PLCL1: variants seen among roughly 807,000 people sequenced by gnomAD.
PLCL1 encodes phospholipase C like 1 (inactive), also known as inactive phospholipase C-like protein 1.
In PLCL1, 41 loss-of-function variants were observed where a neutral mutation model predicts 84.4. The observed-to-expected ratio is 0.49, with a 90% CI of 0.38 to 0.63. The LOEUF is 0.63. Ranked by LOEUF, PLCL1 falls within the 30% of genes least tolerant of loss-of-function variation. The probability of loss-of-function intolerance (pLI) is 0.00; values close to 1 mark genes in which losing one functional copy is unlikely to be tolerated. For synonymous variants in PLCL1, 490 were observed against 488.3 expected, an observed-to-expected ratio of 1.00 and a Z score of -0.05; for missense variants, 1,206 against 1,367.8, an observed-to-expected ratio of 0.88 and a Z score of 1.87.
chr2:198,117,899 A>G (rs1693783067), intron 5 of PLCL1, among the ~76,000 whole-genome samples: 1 of 151,790 alleles, frequency 6.6e-6, no homozygotes, highest in South Asian at 2.1e-4. Context: ...GTTCTCCTTT[A>G]TCAATAGTAC....
In PLCL1 at chr2:198,103,945, A is replaced by G; in HGVS notation, c.3105+9A>G. ...ACATTACAGTATTGAAGGTAGATGA[A>G]ACACTCAGATGTCCCCTGTGCCTTT... On this transcript the variant is annotated intron_variant, in intron 5 of 5. Coordinates refer to ENST00000428675, the MANE Select transcript of PLCL1 (RefSeq NM_006226.4). The G allele has an allele frequency of 2.1e-6, 3 of 1,418,060 alleles. No homozygotes were observed. Among genetic ancestry groups the G allele is most frequent in the South Asian group, 2.4e-5 (2 of 82,066 alleles). 87.8% of individuals were successfully genotyped at this position (1,418,060 alleles called of 1,614,324 possible).
At chr2:197,999,671 A>T (rs1468951482) in intron 1 of PLCL1, among the ~76,000 whole-genome samples, 2 of 152,200 alleles carry the variant, frequency 1.3e-5, no homozygotes, top group African/African-American at 4.8e-5. Flanking sequence ...CATAACAAAG[A>T]AATACCCCAT....
intron 1 of PLCL1, among the ~76,000 whole-genome samples, chr2:197,867,020 T>C (rs1687563348): frequency 6.6e-6 from 1 of 152,180 alleles, no homozygotes; most frequent in East Asian, 1.9e-4. Context: ...TTATCTAGCA[T>C]GACCCGAGAT....
intron 5 of PLCL1, among the ~76,000 whole-genome samples, chr2:198,112,759 C>T (rs748676909): frequency 5.9e-5 from 9 of 151,762 alleles, no homozygotes; most frequent in African/African-American, 1.9e-4. Context: ...ATTTGGTGAA[C>T]GCAACTGGGA....
intron 5 of PLCL1, among the ~76,000 whole-genome samples, chr2:198,133,778 C>G (rs191856039): frequency 1.3e-5 from 2 of 152,234 alleles, no homozygotes; most frequent in East Asian, 3.9e-4. Flanking sequence ...TTTACTCTAA[C>G]TTCACGTAAC....
At chr2:198,122,982 T>C (rs185645773) in intron 5 of PLCL1, among the ~76,000 whole-genome samples, 310 of 152,164 alleles carry the variant, frequency 2.0e-3, no homozygotes, top group African/African-American at 6.7e-3. Context: ...AGTGCCATGA[T>C]TGAAACCCAG....
At chr2:197,957,348 A>C (rs747749010) in intron 1 of PLCL1, among the ~76,000 whole-genome samples, 2 of 152,066 alleles carry the variant, frequency 1.3e-5, no homozygotes, top group African/African-American at 2.4e-5. Context: ...TCCTTTGGAT[A>C]GTACCTTGCA....
At chr2:197,923,286 T>C (rs1453365636) in intron 1 of PLCL1, among the ~76,000 whole-genome samples, 3 of 135,082 alleles carry the variant, frequency 2.2e-5, no homozygotes, top group African/African-American at 2.9e-5. Flanking sequence ...CCGGACGGGG[T>C]GGCTGCCGGG....
At chr2:197,929,461 A>T (rs1050126701) in intron 1 of PLCL1, among the ~76,000 whole-genome samples, 2 of 152,202 alleles carry the variant, frequency 1.3e-5, no homozygotes, top group African/African-American at 4.8e-5. Context: ...AAGTGGCTGC[A>T]GCTGTTATTA....
intron 1 of PLCL1, among the ~76,000 whole-genome samples, chr2:197,926,578 C>T (rs774892438): frequency 6.6e-6 from 1 of 151,998 alleles, no homozygotes; most frequent in Non-Finnish European, 1.5e-5. Context: ...CTTTTCTAAC[C>T]GTGACCATAA....
intron 1 of PLCL1, among the ~76,000 whole-genome samples, chr2:197,969,958 G>T (rs1258177475): frequency 2.0e-5 from 3 of 152,104 alleles, no homozygotes; most frequent in African/African-American, 7.2e-5. Flanking sequence ...ATTTTGGGGT[G>T]GTTTGTATAC....
rs1341415475 is a variant in PLCL1 at position 197,805,423 on chromosome 2, G to A, written c.240+84G>A. On this transcript the variant is annotated intron_variant, in intron 1 of 5. Coordinates refer to ENST00000428675, the MANE Select transcript of PLCL1 (RefSeq NM_006226.4). The surrounding 1 kb of genome is among the most constrained non-coding windows in gnomAD (Gnocchi z 4.0). ...CCGGGCAGGATGTGCGGTGTCCGGA[G>A]GCATCCGGGCTCAGCATTGTTTTCT... 2 of 1,198,898 alleles carry A rather than the reference G, an allele frequency of 1.7e-6. No individual in the cohort carries two copies. Among genetic ancestry groups the A allele is most frequent in the East Asian group, 3.2e-5 (1 of 31,712 alleles). 74.3% of individuals were successfully genotyped at this position (1,198,898 alleles called of 1,614,324 possible).
intron 1 of PLCL1, among the ~76,000 whole-genome samples, chr2:197,924,707 G>T (rs1688800418): frequency 1.3e-5 from 2 of 151,920 alleles, no homozygotes; most frequent in South Asian, 4.2e-4. Flanking sequence ...CACAGGGAGA[G>T]CAACAGTTGA....
chr2:198,143,623 C>T (rs1301380663), intron 5 of PLCL1, among the ~76,000 whole-genome samples: 2 of 152,028 alleles, frequency 1.3e-5, no homozygotes, highest in East Asian at 1.9e-4. Context: ...AGTCAGCATG[C>T]CAAGGGAAAA....
At chr2:197,873,341 CA>C (rs1559031693) in intron 1 of PLCL1, among the ~76,000 whole-genome samples, 2 of 152,038 alleles carry the variant, frequency 1.3e-5, no homozygotes, top group Non-Finnish European at 2.9e-5. Context: ...ACAGAGCCAG[CA>C]GGAAGTCCAG....
intron 1 of PLCL1, among the ~76,000 whole-genome samples, chr2:198,054,034 A>G (rs996408494): frequency 1.3e-5 from 2 of 152,238 alleles, no homozygotes; most frequent in Non-Finnish European, 2.9e-5. Context: ...CACTTATGTC[A>G]GATAAAAATA....
intron 1 of PLCL1, among the ~76,000 whole-genome samples, chr2:197,972,129 C>T (rs1689881453): frequency 6.6e-6 from 1 of 152,072 alleles, no homozygotes. Flanking sequence ...AACATTTCTT[C>T]AGAAATAAAA....
chr2:197,866,121 TAA>T (rs1300129795), intron 1 of PLCL1, among the ~76,000 whole-genome samples: 2 of 37,226 alleles, frequency 5.4e-5, no homozygotes, highest in East Asian at 4.6e-4. Context: ...TATATATATA[TAA>T]ACTATATATA....
intron 1 of PLCL1, among the ~76,000 whole-genome samples, chr2:197,852,494 A>T (rs1687257194): frequency 6.6e-6 from 1 of 152,230 alleles, no homozygotes; most frequent in Non-Finnish European, 1.5e-5. Context: ...ATTTGCATTT[A>T]TTGTAGATTA....
Sources: gnomAD v4.1 joint callset for allele counts (sites outside exome capture counted in the v4.1 genomes callset) on GRCh38, gnomAD v4.1.1 for gene constraint, Gnocchi (gnomAD v3.1) non-coding constraint, MANE v1.5 for transcripts, NCBI Gene and HGNC (gene_info 2026-07-23, HGNC 2026-07-21) for gene names.